CAMTA1: variants seen among roughly 807,000 people sequenced by gnomAD.
The protein encoded by CAMTA1 is calmodulin binding transcription activator 1.
CAMTA1 carries 27 observed loss-of-function variants against 170.9 expected under a neutral mutation model. The ratio of observed to expected loss-of-function variants is 0.16; its 90% CI spans 0.12 to 0.22. CAMTA1 has a LOEUF of 0.22. Ranked by LOEUF, CAMTA1 falls within the 10% of genes least tolerant of loss-of-function variation. The pLI, the probability that CAMTA1 is intolerant of heterozygous loss-of-function variation, is 1.00. For synonymous variants in CAMTA1, 833 were observed against 891.5 expected, an observed-to-expected ratio of 0.93 and a Z score of 1.17; for missense variants, 1,619 against 2,217.2, an observed-to-expected ratio of 0.73 and a Z score of 5.42.
chr1:7,029,282 A>T (rs1702453437), intron 3 of CAMTA1, among the ~76,000 whole-genome samples: 1 of 151,824 alleles, frequency 6.6e-6, no homozygotes, highest in Non-Finnish European at 1.5e-5. Context: ...CGGGTGGATC[A>T]CAAGGTCAGG....
In CAMTA1 at chr1:7,173,307, G is replaced by T. The variant is rs1403471434; in HGVS notation, c.303-76184G>T. On this transcript the variant is annotated intron_variant, in intron 4 of 22. Transcript: ENST00000303635. This position sits in a 1 kb window ranked among gnomAD's most constrained non-coding sequence, Gnocchi z 5.4. ...GCTGAAATGAACAGAAGGCAGAGCG[G>T]GGTGCAGGGCCTGGCCGTGACTGAG... is the stretch of plus-strand genomic sequence containing the variant. 6.6e-6 allele frequency among the ~76,000 whole-genome samples: 1 copy of T among 152,198 alleles called. No individual in the cohort carries two copies.
chr1:7,213,706 C>T (rs2149084360), intron 4 of CAMTA1, among the ~76,000 whole-genome samples: 1 of 152,098 alleles, frequency 6.6e-6, no homozygotes, highest in Non-Finnish European at 1.5e-5. Context: ...GTGCTGTACC[C>T]ATTAACTCAT....
At chr1:6,828,890 GTT>G (rs1026284603) in intron 3 of CAMTA1, among the ~76,000 whole-genome samples, 18 of 102,004 alleles carry the variant, frequency 1.8e-4, no homozygotes, top group Middle Eastern at 6.3e-3. Flanking sequence ...CTGTAACGTA[GTT>G]TTTTTTTTTT....
chr1:6,829,890 G>T (rs776833567), intron 3 of CAMTA1, among the ~76,000 whole-genome samples: 2 of 152,104 alleles, frequency 1.3e-5, no homozygotes, highest in Non-Finnish European at 2.9e-5. Context: ...TTAAAATGTT[G>T]TAACAAAGTT....
rs1482265624 is a variant in CAMTA1 at position 6,934,189 on chromosome 1, T to C, written c.234+108979T>C. Among the ~76,000 whole-genome samples, 1 of 152,202 alleles carries C rather than the reference T, an allele frequency of 6.6e-6. No homozygotes were observed. The highest frequency in any genetic ancestry group is 1.5e-5 in the Non-Finnish European group (1 of 68,030). ...GTTATTGGTATTTAATAAGGCATTT[T>C]CAGAGACACTCTGCATTGACCTTAG... On this transcript the variant is annotated intron_variant, in intron 3 of 22. Transcript: ENST00000303635. The surrounding 1 kb of genome is among the most constrained non-coding windows in gnomAD (Gnocchi z 4.5).
At chr1:6,944,226 G>C (rs931253355) in intron 3 of CAMTA1, among the ~76,000 whole-genome samples, 1 of 152,208 alleles carries the variant, frequency 6.6e-6, no homozygotes, top group African/African-American at 2.4e-5. Context: ...AGGCTGAATA[G>C]CATTCTATTG....
At chr1:7,632,910 G>A (rs2095681782) in intron 6 of CAMTA1, among the ~76,000 whole-genome samples, 1 of 152,246 alleles carries the variant, frequency 6.6e-6, no homozygotes, top group Admixed American at 6.5e-5. Context: ...TCTGCAGCCT[G>A]GAGCACCTCC....
At chr1:7,754,346 C>G (rs1354253750) in intron 21 of CAMTA1, among the ~76,000 whole-genome samples, 1 of 152,194 alleles carries the variant, frequency 6.6e-6, no homozygotes, top group African/African-American at 2.4e-5. Context: ...AGACTTTTTC[C>G]TCCTTTCTTC....
chr1:7,184,910 C>T (rs1319533120), intron 4 of CAMTA1, among the ~76,000 whole-genome samples: 1 of 152,170 alleles, frequency 6.6e-6, no homozygotes, highest in Non-Finnish European at 1.5e-5. Flanking sequence ...CATGTACCAC[C>T]AGTCTAATAA....
At chr1:6,981,062 C>T (rs530875640) in intron 3 of CAMTA1, among the ~76,000 whole-genome samples, 3 of 152,220 alleles carry the variant, frequency 2.0e-5, no homozygotes, top group South Asian at 2.1e-4. Flanking sequence ...GGCACAGTCT[C>T]GGTGGCTCTG....
chr1:7,637,342 T>G (rs2095720015), intron 6 of CAMTA1, among the ~76,000 whole-genome samples: 1 of 152,222 alleles, frequency 6.6e-6, no homozygotes, highest in Admixed American at 6.5e-5. Flanking sequence ...GAGGCAGCCC[T>G]GGGCGGCCTG....
At chr1:7,040,939 G>A (rs981580846) in intron 3 of CAMTA1, among the ~76,000 whole-genome samples, 1 of 152,096 alleles carries the variant, frequency 6.6e-6, no homozygotes, top group African/African-American at 2.4e-5. Flanking sequence ...GGCCAGGATG[G>A]TCTCGATCTC....
intron 7 of CAMTA1, among the ~76,000 whole-genome samples, chr1:7,647,715 G>GCCAC (rs2095818791): frequency 6.6e-6 from 1 of 152,212 alleles, no homozygotes; most frequent in Non-Finnish European, 1.5e-5. Context: ...TGGGGACGGC[G>GCCAC]GGCTGGGAGC....
Position 7,249,476 on chromosome 1 carries a change from A to G in CAMTA1, c.303-15A>G, listed in dbSNP as rs201630241. ...ACTTGGTACTCTTGGTAACTTAACCATTTGTTGTTTCCAGACCACAGAATG... is the reference window on the plus strand; with the variant it reads ...ACTTGGTACTCTTGGTAACTTAACCGTTTGTTGTTTCCAGACCACAGAATG... On this transcript the variant is annotated splice_polypyrimidine_tract_variant and intron_variant, in intron 4 of 22. Coordinates refer to ENST00000303635, the MANE Select transcript of CAMTA1 (RefSeq NM_015215.4). This position sits in a 1 kb window ranked among gnomAD's most constrained non-coding sequence, Gnocchi z 4.4. 5 of 1,607,920 alleles carry G rather than the reference A, an allele frequency of 3.1e-6. No individual in the cohort carries two copies. The highest frequency in any genetic ancestry group is 1.3e-5 in the African/African-American group (1 of 74,808).
intron 4 of CAMTA1, among the ~76,000 whole-genome samples, chr1:7,197,678 A>ACACACACACACT (rs57819326): frequency 0.011 from 1,505 of 139,200 alleles, 72 homozygotes; most frequent in East Asian, 0.04. Flanking sequence ...ACACACACAC[A>ACACACACACACT]ATCTACTTGC....
intron 11 of CAMTA1, among the ~76,000 whole-genome samples, chr1:7,700,117 G>T (rs1185254517): frequency 6.6e-6 from 1 of 152,118 alleles, no homozygotes; most frequent in Non-Finnish European, 1.5e-5. Flanking sequence ...GGTCATGAAG[G>T]TTTACTGCCG....
At chr1:6,790,660 G>A (rs1640840592) in intron 1 of CAMTA1, among the ~76,000 whole-genome samples, 1 of 152,052 alleles carries the variant, frequency 6.6e-6, no homozygotes, top group Non-Finnish European at 1.5e-5. Flanking sequence ...CATTTTCACT[G>A]CCATGAAGAA....
intron 11 of CAMTA1, among the ~76,000 whole-genome samples, chr1:7,730,624 C>G (rs4908687): frequency 0.13 from 19,826 of 152,132 alleles, 1,598 homozygotes; most frequent in East Asian, 0.23. Flanking sequence ...TGGCCAGGCA[C>G]GGGGTTTCAG....
chr1:7,131,522 C>CTTTTTTTTTTTTTTTTT (rs58819912), intron 4 of CAMTA1, among the ~76,000 whole-genome samples: 1 of 126,698 alleles, frequency 7.9e-6, no homozygotes, highest in Non-Finnish European at 1.7e-5. Context: ...ATCGTCTTTT[C>CTTTTTTTTTTTTTTTTT]TTTTTTTTTT....
Sources: allele counts gnomAD v4.1 joint callset (sites outside exome capture counted in the v4.1 genomes callset), GRCh38; gene constraint gnomAD v4.1.1; non-coding constraint Gnocchi (gnomAD v3.1); transcripts MANE v1.5; gene names NCBI Gene and HGNC (gene_info 2026-07-23, HGNC 2026-07-21).